Variants in RSF1 observed in about 807,000 individuals in gnomAD.
RSF1 encodes the protein HBV pX-associated protein 8.
In RSF1, 13 loss-of-function variants were observed where a neutral mutation model predicts 145.2. That is an observed-to-expected ratio of 0.09 (90% CI 0.06 to 0.14). The LOEUF (loss-of-function observed/expected upper bound fraction) is 0.14. Among genes scored for constraint, RSF1 ranks in the 10% least tolerant of loss-of-function variants. The pLI, the probability that RSF1 is intolerant of heterozygous loss-of-function variation, is 1.00. For synonymous variants in RSF1, 577 were observed against 592.6 expected, an observed-to-expected ratio of 0.97 and a Z score of 0.38; for missense variants, 1,517 against 1,718.2, an observed-to-expected ratio of 0.88 and a Z score of 2.07.
the RSF1 span, chr11:77,869,918 T>G: frequency 1.8e-6 from 2 of 1,114,260 alleles, no homozygotes; most frequent in Non-Finnish European, 2.7e-6. Flanking sequence ...TTATATATCA[T>G]GTACCCTCAT....
chr11:77,785,521 C>T (rs2508189), intron 1 of RSF1, among the ~76,000 whole-genome samples: 32,811 of 151,294 alleles, frequency 0.22, 3,602 homozygotes, highest in Middle Eastern at 0.25. Context: ...ACCTGGGAGG[C>T]GGAGGTTGCA....
In RSF1 at chr11:77,783,526, C is replaced by T. The variant is rs191905923; in HGVS notation, c.188-18837G>A. On this transcript the variant is annotated intron_variant, in intron 1 of 15. Coordinates refer to ENST00000308488, the MANE Select transcript of RSF1 (RefSeq NM_016578.4). The stretch of plus-strand genomic sequence containing the variant: ...TAGATATAGAAGTTTTCATCTAATA[C>T]CTTTCATTTAGTACTTTTGTAACAT... 2.0e-4 allele frequency among the ~76,000 whole-genome samples: 30 copies of T among 152,190 alleles called. No homozygotes were observed. In the East Asian group the frequency reaches 2.5e-3, roughly 13 times the overall value.
intron 1 of RSF1, among the ~76,000 whole-genome samples, chr11:77,768,199 G>A (rs986566359): frequency 5.4e-4 from 61 of 113,154 alleles, no homozygotes; most frequent in Admixed American, 3.6e-4. Context: ...GTCTCGTTCT[G>A]TCACCCAGAC....
At chr11:77,768,549 T>A (rs892146880) in intron 1 of RSF1, among the ~76,000 whole-genome samples, 1 of 152,230 alleles carries the variant, frequency 6.6e-6, no homozygotes, top group African/African-American at 2.4e-5. Context: ...GCATTTCACA[T>A]TGACAGCACA....
intron 1 of RSF1, among the ~76,000 whole-genome samples, chr11:77,807,290 A>G (rs903972797): frequency 2.0e-5 from 3 of 152,170 alleles, no homozygotes; most frequent in Non-Finnish European, 4.4e-5. Context: ...AATTTCCATA[A>G]TGCCTACAGT....
the RSF1 span, chr11:77,850,798 A>G: frequency 6.6e-6 from 1 of 151,650 alleles, no homozygotes; most frequent in African/African-American, 2.4e-5. Flanking sequence ...ACACACACAC[A>G]CACACACATA....
intron 11 of RSF1, 40 bp from the exon 12 acceptor site, chr11:77,678,193 C>CT (rs5792773): frequency 2.7e-4 from 164 of 616,822 alleles, no homozygotes; most frequent in South Asian, 4.6e-4. Context: ...CCTGTCCTGG[C>CT]TTTTTTTTTT....
intron 6 of RSF1, among the ~76,000 whole-genome samples, chr11:77,699,169 G>A (rs1028003308): frequency 1.3e-5 from 2 of 152,092 alleles, no homozygotes; most frequent in Non-Finnish European, 2.9e-5. Context: ...AGAGAATGAT[G>A]ACTATATTCT....
intron 11 of RSF1, 37 bp from the exon 12 acceptor site, chr11:77,678,190 TG>T: frequency 1.1e-6 from 1 of 899,202 alleles, no homozygotes; most frequent in Admixed American, 3.9e-5. Flanking sequence ...TAGCCTGTCC[TG>T]GCTTTTTTTT....
Position 77,671,996 on chromosome 11 carries a change from A to T in RSF1, c.3751+46T>A, listed in dbSNP as rs757942824. ...ATCCTGAGTTCACTTTATAATGTCT[A>T]TTTTGCCCTGTCCAAACTTCTATAT... On this transcript the variant is annotated intron_variant, in intron 15 of 15. Transcript: ENST00000308488. 4.6e-5 allele frequency: 68 copies of T among 1,488,532 alleles called. 2 individuals are homozygous for T. The South Asian group carries it at 5.5e-4, about 12-fold the overall frequency. 92.2% of individuals were successfully genotyped at this position (1,488,532 alleles called of 1,614,324 possible).
rs10688175 is a variant in RSF1 at position 77,813,820 on chromosome 11, GACACACACACACAC to G, written c.187+6694_187+6707del. 21 of 169,352 alleles carry G rather than the reference GACACACACACACAC, an allele frequency of 1.2e-4. No individual in the cohort carries two copies. In the East Asian group the frequency reaches 1.8e-3, roughly 15 times the overall value. The allele number at this position is 169,352 out of a possible 1,614,324, so 10.5% of individuals were successfully genotyped here. On this transcript the variant is annotated intron_variant, in intron 1 of 15. Transcript: ENST00000308488. The stretch of plus-strand genomic sequence containing the variant: ...AGCGGCCATTTATAATTTGTAAAAG[GACACACACACACAC>G]ACACACACACACACACACACACAGA...
the RSF1 span, among the ~76,000 whole-genome samples, chr11:77,846,337 A>G: frequency 6.6e-6 from 1 of 152,166 alleles, no homozygotes; most frequent in Non-Finnish European, 1.5e-5. Flanking sequence ...ATCAGTATCC[A>G]GCTGGGCATG....
At chr11:77,831,008 A>G in the RSF1 span, among the ~76,000 whole-genome samples, 1 of 144,542 alleles carries the variant, frequency 6.9e-6, no homozygotes, top group Admixed American at 7.1e-5. Context: ...AAAAAAAAAA[A>G]AATAGCCAGA....
intron 1 of RSF1, among the ~76,000 whole-genome samples, chr11:77,783,257 T>C (rs1206105390): frequency 1.3e-5 from 2 of 152,232 alleles, no homozygotes; most frequent in East Asian, 1.9e-4. Context: ...ATTGTGAAAT[T>C]TGCAATACAT....
rs1565139281 is a variant in RSF1 at position 77,663,121 on chromosome 11, CTG to C, written c.*3794_*3795del. On this transcript the variant is annotated 3_prime_UTR_variant, in exon 16 of 16. Coordinates refer to ENST00000308488, the MANE Select transcript of RSF1 (RefSeq NM_016578.4). ...CACCTTGAATAACGGGCCTGTTCCA[CTG>C]TACTGGTAAAGAGCGGAGTTCCTAG... 6.6e-6 allele frequency: 1 copy of C among 152,188 alleles called. No homozygotes were observed. The highest frequency in any genetic ancestry group is 1.5e-5 in the Non-Finnish European group (1 of 68,018). The allele number at this position is 152,188 out of a possible 1,614,324, so 9.4% of individuals were successfully genotyped here. A position where few individuals can be genotyped will look rare whatever the true frequency, so the allele number is the denominator to read the frequency against.
chr11:77,857,194 G>A, the RSF1 span, among the ~76,000 whole-genome samples: 5 of 152,110 alleles, frequency 3.3e-5, no homozygotes, highest in South Asian at 2.1e-4. Flanking sequence ...TAAGTGCCAC[G>A]GTAGATGAAC....
chr11:77,864,716 C>T, the RSF1 span, among the ~76,000 whole-genome samples: 1 of 152,182 alleles, frequency 6.6e-6, no homozygotes, highest in African/African-American at 2.4e-5. Flanking sequence ...CAGTGGCTCA[C>T]ACCTGTAATC....
chr11:77,676,968 G>C lies in RSF1; in HGVS notation c.3165C>G (p.Ile1055Met). The C allele has an allele frequency of 6.2e-7, 1 of 1,612,598 alleles. No homozygotes were observed. The highest frequency in any genetic ancestry group is 8.5e-7 in the Non-Finnish European group (1 of 1,179,072). The change falls in exon 13 of 16, where the codon ATC becomes ATG. Residue 1055 changes from isoleucine to methionine, a missense_variant. Transcript: ENST00000308488. ...AGATGTCTTTCCCACGATGACCTGT[G>C]ATGGTGGAGATATCTTTTCCTCGGC... ...GVGRGKDIST[I>M]TGHRGKDIST... is the part of the protein sequence containing the mutation.
chr11:77,734,617 T>A, intron 4 of RSF1: 1 of 1,519,054 alleles, frequency 6.6e-7, no homozygotes, highest in Non-Finnish European at 9.0e-7. Flanking sequence ...ATTCAGGTAA[T>A]GTGTCTCAAT....
Sources: allele counts gnomAD v4.1 joint callset (sites outside exome capture counted in the v4.1 genomes callset), GRCh38; gene constraint gnomAD v4.1.1; transcripts MANE v1.5; gene names NCBI Gene and HGNC (gene_info 2026-07-23, HGNC 2026-07-21).